Variants in DNAH7 observed in about 807,000 individuals in gnomAD.
The protein encoded by DNAH7 is dynein axonemal heavy chain 7, also known as axonemal beta dynein heavy chain 7.
In DNAH7, 397 loss-of-function variants were observed where a neutral mutation model predicts 444.6. The ratio of observed to expected loss-of-function variants is 0.89; its 90% CI spans 0.82 to 0.97. DNAH7 has a LOEUF of 0.97. Ranked by LOEUF, DNAH7 falls within the 50% of genes least tolerant of loss-of-function variation. The pLI, the probability that DNAH7 is intolerant of heterozygous loss-of-function variation, is 0.00. For missense variants in DNAH7, 4,902 were observed against 4,800.8 expected (o/e 1.02, Z -0.62); for synonymous variants, 1,636 against 1,624.4 (o/e 1.01, Z -0.17).
At chr2:195,917,472 G>A (rs541140712) in intron 24 of DNAH7, among the ~76,000 whole-genome samples, 1 of 152,354 alleles carries the variant, frequency 6.6e-6, no homozygotes, top group East Asian at 1.9e-4. Flanking sequence ...ACAGAAGCAT[G>A]TCAAGTCAAA....
chr2:196,060,801 T>C (rs1285866343), intron 1 of DNAH7, among the ~76,000 whole-genome samples: 1 of 152,220 alleles, frequency 6.6e-6, no homozygotes, highest in Admixed American at 6.5e-5. Flanking sequence ...GGCCTCATTT[T>C]ACTCAATCTT....
intron 29 of DNAH7, 39 bp downstream of exon 29, chr2:195,897,628 A>G (rs1006644693): frequency 8.6e-7 from 1 of 1,166,922 alleles, no homozygotes; most frequent in Non-Finnish European, 1.3e-6. Flanking sequence ...ATACATTATT[A>G]TAAGAGTTTT....
chr2:195,816,508 T>A, intron 51 of DNAH7, 120 bp downstream of exon 51: 1 of 719,752 alleles, frequency 1.4e-6, no homozygotes, highest in Non-Finnish European at 2.3e-6. Context: ...ATTAATCAAG[T>A]TCATTTTAGG....
At chr2:195,798,907 G>A (rs1696308850) in intron 55 of DNAH7, among the ~76,000 whole-genome samples, 1 of 152,044 alleles carries the variant, frequency 6.6e-6, no homozygotes, top group Non-Finnish European at 1.5e-5. Context: ...AGTCAATGAA[G>A]GCCCCCCGTT....
intron 7 of DNAH7, 83 bp downstream of exon 7, chr2:196,026,677 C>T: frequency 1.1e-6 from 1 of 938,306 alleles, no homozygotes; most frequent in Non-Finnish European, 1.6e-6. Context: ...TGACTAGTTT[C>T]AAGTATAGGT....
chr2:195,927,796 T>C (rs1489686407), intron 21 of DNAH7, among the ~76,000 whole-genome samples: 1 of 151,984 alleles, frequency 6.6e-6, no homozygotes, highest in Admixed American at 6.6e-5. Flanking sequence ...CTTTCAAGCA[T>C]GCAAATACAC....
At chr2:196,008,285 A>C (rs1388647479) in intron 10 of DNAH7, among the ~76,000 whole-genome samples, 1 of 151,962 alleles carries the variant, frequency 6.6e-6, no homozygotes, top group African/African-American at 2.4e-5. Flanking sequence ...GGACAATAAC[A>C]AGTGCTGGAA....
chr2:196,065,247 T>C (rs1160239551), intron 1 of DNAH7, among the ~76,000 whole-genome samples: 1 of 152,226 alleles, frequency 6.6e-6, no homozygotes, highest in Non-Finnish European at 1.5e-5. Flanking sequence ...TTGAACACAA[T>C]GTATTTCTTT....
At chr2:195,855,703 T>A in intron 45 of DNAH7, 108 bp downstream of exon 45, 1 of 1,268,464 alleles carries the variant, frequency 7.9e-7, no homozygotes, top group South Asian at 1.8e-5. Flanking sequence ...AGTTTGCCAA[T>A]CCCTGACCAG....
At chr2:196,051,754 AAC>A (rs762436917) in intron 2 of DNAH7, among the ~76,000 whole-genome samples, 7 of 152,102 alleles carry the variant, frequency 4.6e-5, no homozygotes, top group African/African-American at 7.2e-5. Flanking sequence ...GCGACAGAGC[AAC>A]ACTCTGTCTC....
chr2:195,812,197 G>A (rs575714561), intron 51 of DNAH7, among the ~76,000 whole-genome samples: 2 of 151,892 alleles, frequency 1.3e-5, no homozygotes, highest in South Asian at 4.2e-4. Flanking sequence ...CCTCCCTAAC[G>A]CCCTGCCCAT....
Position 195,897,712 on chromosome 2 carries a change from A to T in DNAH7, c.4602T>A (p.Asp1534Glu). 6.2e-7 allele frequency: 1 copy of T among 1,606,050 alleles called. No homozygotes were observed. The highest frequency in any genetic ancestry group is 8.5e-7 in the Non-Finnish European group (1 of 1,176,002). ...EEILLLRSII[D>E]VNLPKFLSHD... ...GGGATAAAAATTTTGGCAGATTTACATCAATGATAGATCTAAGCAGCAAAA... is the reference window on the plus strand; with the variant it reads ...GGGATAAAAATTTTGGCAGATTTACTTCAATGATAGATCTAAGCAGCAAAA... The change falls in exon 29 of 65, where the codon GAT becomes GAA. Residue 1534 changes from aspartate to glutamate, a missense_variant. Physicochemically the swap from Asp to Glu is conservative, Grantham distance 45. Coordinates refer to ENST00000312428, the MANE Select transcript of DNAH7 (RefSeq NM_018897.3).
intron 34 of DNAH7, among the ~76,000 whole-genome samples, chr2:195,885,056 A>G (rs952582605): frequency 6.6e-6 from 1 of 152,212 alleles, no homozygotes; most frequent in Non-Finnish European, 1.5e-5. Flanking sequence ...AAACTTCAGA[A>G]TGATTAATCT....
At chr2:195,744,835 C>T (rs1197686411) in intron 63 of DNAH7, among the ~76,000 whole-genome samples, 1 of 152,102 alleles carries the variant, frequency 6.6e-6, no homozygotes, top group African/African-American at 2.4e-5. Context: ...AAAGGACATC[C>T]ACACCAAAAA....
chr2:195,872,805 G>A (rs947535619), intron 39 of DNAH7, among the ~76,000 whole-genome samples: 10 of 151,828 alleles, frequency 6.6e-5, no homozygotes, highest in East Asian at 1.9e-4. Flanking sequence ...AGTATTTCCC[G>A]ACCTCTTTCA....
At chr2:195,766,161 G>A (rs1366072482) in intron 61 of DNAH7, among the ~76,000 whole-genome samples, 1 of 94,798 alleles carries the variant, frequency 1.1e-5, no homozygotes, top group Non-Finnish European at 2.6e-5. Flanking sequence ...TAATTTGTGG[G>A]AGCTAATTTT....
In DNAH7 at chr2:195,754,516, T is replaced by G. The variant is rs749692128; in HGVS notation, c.11587-2A>C. ...AGGAGGACCAACCTCATACCATTGCTAGGGTGTAAAACACAAGTGGGCTAA... is the reference window on the plus strand; with the variant it reads ...AGGAGGACCAACCTCATACCATTGCGAGGGTGTAAAACACAAGTGGGCTAA... On this transcript the variant is annotated splice_acceptor_variant, in intron 62 of 64. Coordinates refer to ENST00000312428, the MANE Select transcript of DNAH7 (RefSeq NM_018897.3). LOFTEE classifies it high-confidence loss of function. 6.2e-7 allele frequency: 1 copy of G among 1,613,410 alleles called. No homozygotes were observed. The highest frequency in any genetic ancestry group is 8.5e-7 in the Non-Finnish European group (1 of 1,179,754).
At chr2:195,941,593 A>T (rs1689453174) in intron 19 of DNAH7, among the ~76,000 whole-genome samples, 2 of 152,050 alleles carry the variant, frequency 1.3e-5, no homozygotes, top group Non-Finnish European at 2.9e-5. Context: ...TAAAAAATAA[A>T]AAAAGAGATA....
rs11397952 is a variant in DNAH7, at chr2:195,786,569, A to ATTT, written c.10878+438_10878+440dup. ...AGGTTAACACCAATGGCTTAAATAGATTTTTTTTTTTTTTCCTGACAAATG... is the reference window on the plus strand; with the variant it reads ...AGGTTAACACCAATGGCTTAAATAGATTTTTTTTTTTTTTTTTCCTGACAAATG... On this transcript the variant is annotated intron_variant, in intron 58 of 64. Transcript: ENST00000312428. 1.2e-3 allele frequency among the ~76,000 whole-genome samples: 177 copies of ATTT among 145,238 alleles called. 1 individual carries two copies. Among genetic ancestry groups the ATTT allele is most frequent in the Middle Eastern group, 0.011 (3 of 268 alleles).
Sources: allele counts gnomAD v4.1 joint callset (sites outside exome capture counted in the v4.1 genomes callset), GRCh38; gene constraint gnomAD v4.1.1; transcripts MANE v1.5; gene names NCBI Gene and HGNC (gene_info 2026-07-23, HGNC 2026-07-21).